Variants in FKBP1A observed in about 807,000 individuals in gnomAD.
FKBP1A encodes the protein FKBP prolyl isomerase 1A, also known as peptidyl-prolyl cis-trans isomerase FKBP1A.
In FKBP1A, 5 loss-of-function variants were observed where a neutral mutation model predicts 14.2. The observed-to-expected ratio is 0.35, with a 90% CI of 0.18 to 0.74. The LOEUF is 0.74. FKBP1A is among the 30% of genes least tolerant of loss of function. The pLI, the probability that FKBP1A is intolerant of heterozygous loss-of-function variation, is 0.56. For missense variants in FKBP1A, 53 were observed against 138.8 expected, an observed-to-expected ratio of 0.38 and a Z score of 3.10; for synonymous variants, 42 against 49.1, an observed-to-expected ratio of 0.86 and a Z score of 0.60.
chr20:1,383,634 C>T lies in FKBP1A; in HGVS notation c.86-8031G>A, dbSNP rs183775569. Among the ~76,000 whole-genome samples the T allele has an allele frequency of 2.1e-4, 31 of 148,998 alleles. 1 individual carries two copies. The East Asian group carries it at 4.5e-3, about 22-fold the overall frequency. On this transcript the variant is annotated intron_variant, in intron 2 of 4. Transcript: ENST00000400137. ...AGACTGGCATGAGTTTGCAACCAGCCTGGGCAACACAGCAAGACTCATGTC... is the reference window on the plus strand; with the variant it reads ...AGACTGGCATGAGTTTGCAACCAGCTTGGGCAACACAGCAAGACTCATGTC...
intron 2 of FKBP1A, chr20:1,377,036 T>C (rs563978551): frequency 6.6e-6 from 1 of 152,246 alleles, no homozygotes; most frequent in Admixed American, 6.5e-5. Flanking sequence ...GGTTAACATA[T>C]AATGGACACA....
intron 2 of FKBP1A, among the ~76,000 whole-genome samples, chr20:1,387,719 T>C (rs954991794): frequency 1.3e-5 from 2 of 151,792 alleles, no homozygotes; most frequent in African/African-American, 4.8e-5. Context: ...CATGCACCTG[T>C]ATGCCCAACT....
chr20:1,370,608 A>C, intron 4 of FKBP1A: 2 of 985,384 alleles, frequency 2.0e-6, no homozygotes, highest in South Asian at 9.4e-5. Flanking sequence ...TCATTCACTC[A>C]ACTTAAAACT....
At chr20:1,380,171 T>C (rs1951039380) in intron 2 of FKBP1A, among the ~76,000 whole-genome samples, 1 of 151,578 alleles carries the variant, frequency 6.6e-6, no homozygotes, top group South Asian at 2.1e-4. Flanking sequence ...ACATCTGTAA[T>C]GAAGAACAAT....
At chr20:1,388,942 G>C (rs1032903100) in intron 2 of FKBP1A, among the ~76,000 whole-genome samples, 1 of 152,136 alleles carries the variant, frequency 6.6e-6, no homozygotes, top group African/African-American at 2.4e-5. Flanking sequence ...CACCGAGCAG[G>C]CTCCAGCCTC....
chr20:1,369,873 G>A lies in FKBP1A; in HGVS notation c.*236C>T. 1 of 706,178 alleles carries A rather than the reference G, an allele frequency of 1.4e-6. No homozygotes were observed. The highest frequency in any genetic ancestry group is 2.2e-6 in the Non-Finnish European group (1 of 446,418). The allele number at this position is 706,178 out of a possible 1,614,324, so 43.7% of individuals were successfully genotyped here. On this transcript the variant is annotated 3_prime_UTR_variant, in exon 5 of 5. Coordinates refer to ENST00000400137, the MANE Select transcript of FKBP1A (RefSeq NM_000801.5). ...AAACAAAATAAAATGAATAACTTGA[G>A]GTTTATGGCATATAGTTTAGGTAAA... is the stretch of plus-strand genomic sequence containing the variant.
At chr20:1,370,643 C>A (rs2089451607) in intron 4 of FKBP1A, 1 of 985,362 alleles carries the variant, frequency 1.0e-6, no homozygotes, top group African/African-American at 1.7e-5. Flanking sequence ...TTGGATTTTC[C>A]TTCCAGACTC....
chr20:1,388,715 T>C lies in FKBP1A; in HGVS notation c.85+4119A>G, dbSNP rs540722282. On this transcript the variant is annotated intron_variant, in intron 2 of 4. Transcript: ENST00000400137. ...TTCTGCCTTTGCCCCCAAAAGCCCA[T>C]TGTCCACACAGTAGCCAGAAGGAGC... Among the ~76,000 whole-genome samples the C allele has an allele frequency of 3.3e-5, 5 of 150,676 alleles. No homozygotes were observed. In the South Asian group the frequency reaches 6.4e-4, roughly 19 times the overall value.
chr20:1,387,498 C>T (rs569025400), intron 2 of FKBP1A, among the ~76,000 whole-genome samples: 1 of 152,232 alleles, frequency 6.6e-6, no homozygotes, highest in Non-Finnish European at 1.5e-5. Flanking sequence ...GTCACTTGCC[C>T]CCACTGGGAA....
At chr20:1,381,221 C>T (rs1397015411) in intron 2 of FKBP1A, among the ~76,000 whole-genome samples, 5 of 152,024 alleles carry the variant, frequency 3.3e-5, no homozygotes, top group African/African-American at 1.2e-4. Flanking sequence ...GGACTTATAT[C>T]CAGAATATAA....
rs1317090043 is a variant in FKBP1A, at chr20:1,393,031, C to CGACGGGCGGCGT, written c.-45_-34dup. 35 of 1,399,464 alleles carry CGACGGGCGGCGT rather than the reference C, an allele frequency of 2.5e-5. No individual in the cohort carries two copies. The highest frequency in any genetic ancestry group is 1.1e-4 in the East Asian group (4 of 35,910). 86.7% of individuals were successfully genotyped at this position (1,399,464 alleles called of 1,614,324 possible). On this transcript the variant is annotated 5_prime_UTR_variant, in exon 1 of 5. Transcript: ENST00000400137. ...GCGGACGCTGAGCGGGCGGGCGGCG[C>CGACGGGCGGCGT]GACGGGCGGCGTGGACCAACAGCGA...
At chr20:1,378,793 T>C (rs1433079044) in intron 2 of FKBP1A, 2 of 152,228 alleles carry the variant, frequency 1.3e-5, no homozygotes, top group African/African-American at 4.8e-5. Flanking sequence ...GGTAAACCTC[T>C]GACACTTAGT....
intron 4 of FKBP1A, chr20:1,370,666 G>A: frequency 1.0e-6 from 1 of 985,424 alleles, no homozygotes; most frequent in Non-Finnish European, 1.2e-6. Flanking sequence ...GCAAGAAGCT[G>A]AGACATTCTT....
chr20:1,373,912 CCTCA>C (rs1343918396), intron 3 of FKBP1A, among the ~76,000 whole-genome samples: 36 of 152,204 alleles, frequency 2.4e-4, no homozygotes, highest in African/African-American at 7.7e-4. Context: ...AAAGCCTCTT[CCTCA>C]CACTGCCAAC....
At chr20:1,370,458 G>A (rs573106037) in intron 4 of FKBP1A, 1 of 972,306 alleles carries the variant, frequency 1.0e-6, no homozygotes, top group East Asian at 1.1e-4. Context: ...CCATGATTAT[G>A]ATTAACTGGT....
chr20:1,384,630 G>A (rs779676604), intron 2 of FKBP1A, among the ~76,000 whole-genome samples: 1 of 151,964 alleles, frequency 6.6e-6, no homozygotes, highest in Non-Finnish European at 1.5e-5. Flanking sequence ...GGGTAAAAAG[G>A]GATTCTACAT....
intron 4 of FKBP1A, 180 bp downstream of exon 4, chr20:1,371,896 A>C (rs2089469848): frequency 2.2e-6 from 3 of 1,365,476 alleles, no homozygotes; most frequent in Non-Finnish European, 2.8e-6. Flanking sequence ...CCTTAGGGTG[A>C]CCAATTTTTA....
intron 2 of FKBP1A, among the ~76,000 whole-genome samples, chr20:1,382,462 T>G (rs1229280262): frequency 6.6e-6 from 1 of 152,182 alleles, no homozygotes; most frequent in Non-Finnish European, 1.5e-5. Flanking sequence ...AATAGCTCCA[T>G]ATTCTTATTT....
chr20:1,379,458 A>G lies in FKBP1A; in HGVS notation c.86-3855T>C, dbSNP rs531006502. ...CAGCTCTCCTGAGCCTATCTTGGAC[A>G]CTGAGGGGCAAACCTCTCCCTAGTA... On this transcript the variant is annotated intron_variant, in intron 2 of 4. Coordinates refer to ENST00000400137, the MANE Select transcript of FKBP1A (RefSeq NM_000801.5). The surrounding 1 kb of genome is among the most constrained non-coding windows in gnomAD (Gnocchi z 4.3). Among the ~76,000 whole-genome samples the G allele has an allele frequency of 3.9e-5, 6 of 152,298 alleles. No individual in the cohort carries two copies. In the East Asian group the frequency reaches 1.2e-3, roughly 29 times the overall value.
Sources: gnomAD v4.1 joint callset for allele counts (sites outside exome capture counted in the v4.1 genomes callset) on GRCh38, gnomAD v4.1.1 for gene constraint, Gnocchi (gnomAD v3.1) non-coding constraint, MANE v1.5 for transcripts, NCBI Gene and HGNC (gene_info 2026-07-23, HGNC 2026-07-21) for gene names.